ATP2B2: variants seen among roughly 807,000 people sequenced by gnomAD.
ATP2B2 encodes the protein plasma membrane calcium-transporting ATPase 2.
Under a neutral mutation model 120.0 loss-of-function variants are expected in ATP2B2, and 15 were observed. The observed-to-expected ratio is 0.12, with a 90% CI of 0.08 to 0.19. ATP2B2 has a LOEUF of 0.19. ATP2B2 is among the 10% of genes least tolerant of loss of function. The probability of loss-of-function intolerance (pLI) is 1.00; values close to 1 mark genes in which losing one functional copy is unlikely to be tolerated. For missense variants in ATP2B2, 1,045 were observed against 1,719.8 expected, an observed-to-expected ratio of 0.61 and a Z score of 6.94; for synonymous variants, 694 against 700.3, an observed-to-expected ratio of 0.99 and a Z score of 0.14.
chr3:10,450,335 T>A (rs1318983555), intron 1 of ATP2B2, among the ~76,000 whole-genome samples: 1 of 151,858 alleles, frequency 6.6e-6, no homozygotes, highest in Non-Finnish European at 1.5e-5. Context: ...CCTCTTTCTC[T>A]CACTACCCTT....
intron 3 of ATP2B2, among the ~76,000 whole-genome samples, chr3:10,529,110 G>A (rs1171580617): frequency 1.3e-5 from 2 of 152,262 alleles, no homozygotes; most frequent in East Asian, 3.9e-4. Flanking sequence ...AGACTCAAGA[G>A]CAGGTGTTAT....
At chr3:10,357,601 A>T (rs947617195) in intron 14 of ATP2B2, among the ~76,000 whole-genome samples, 1 of 152,148 alleles carries the variant, frequency 6.6e-6, no homozygotes. Flanking sequence ...GGGTAGGTCC[A>T]TTAAGGAGTG....
chr3:10,445,516 G>A (rs551824689), intron 2 of ATP2B2, among the ~76,000 whole-genome samples: 2 of 152,336 alleles, frequency 1.3e-5, no homozygotes, highest in African/African-American at 2.4e-5. Flanking sequence ...AGCCTCACAG[G>A]GGGGCAGGTT....
At chr3:10,666,192 A>T (rs2070927624) in intron 1 of ATP2B2, among the ~76,000 whole-genome samples, 1 of 152,138 alleles carries the variant, frequency 6.6e-6, no homozygotes, top group Non-Finnish European at 1.5e-5. Flanking sequence ...GGTGGGTCAG[A>T]CATTCCCTCT....
At chr3:10,338,394 G>A in intron 21 of ATP2B2, 36 bp from the exon 22 acceptor site, 6 of 1,612,788 alleles carry the variant, frequency 3.7e-6, no homozygotes, top group South Asian at 1.1e-5. Context: ...CGGTGGGGCT[G>A]TCCTTCCCAG....
At chr3:10,388,864 T>C (rs1329519736) in intron 5 of ATP2B2, among the ~76,000 whole-genome samples, 1 of 152,236 alleles carries the variant, frequency 6.6e-6, no homozygotes, top group African/African-American at 2.4e-5. Flanking sequence ...ATAAAGTGGT[T>C]ATGCAACTGC....
chr3:10,480,343 C>T (rs1271281712), intron 1 of ATP2B2, among the ~76,000 whole-genome samples: 3 of 152,106 alleles, frequency 2.0e-5, no homozygotes, highest in East Asian at 3.8e-4. Flanking sequence ...ACCAAATAGG[C>T]GCTCCATAAA....
chr3:10,560,071 C>A (rs2067868891), intron 2 of ATP2B2, among the ~76,000 whole-genome samples: 1 of 152,178 alleles, frequency 6.6e-6, no homozygotes, highest in South Asian at 2.1e-4. Context: ...TTGGCCCAGA[C>A]CCTTTCAAAT....
At chr3:10,471,333 G>A (rs2064984230) in intron 1 of ATP2B2, among the ~76,000 whole-genome samples, 1 of 151,214 alleles carries the variant, frequency 6.6e-6, no homozygotes, top group Admixed American at 6.6e-5. Flanking sequence ...TCTACAGCTT[G>A]GACTTTGGTT....
At position 10,328,121 on chromosome 3, in the gene ATP2B2, T is replaced by TTATATA. The variant is rs573711645; in HGVS notation, c.*687_*692dup. Reference sequence around the variant, plus strand: ...ACTTTATATATCCATGTATATATATTTATATATATATATATATATCTACCT... The same window carrying TTATATA: ...ACTTTATATATCCATGTATATATATTTATATATATATATATATATATATATCTACCT... On this transcript the variant is annotated 3_prime_UTR_variant, in exon 23 of 23. Coordinates refer to ENST00000360273, the MANE Select transcript of ATP2B2 (RefSeq NM_001001331.4). The TTATATA allele has an allele frequency of 6.9e-6, 1 of 145,968 alleles. No individual in the cohort carries two copies. The highest frequency in any genetic ancestry group is 1.5e-5 in the Non-Finnish European group (1 of 66,328). 9.0% of individuals were successfully genotyped at this position (145,968 alleles called of 1,614,324 possible).
intron 1 of ATP2B2, among the ~76,000 whole-genome samples, chr3:10,481,801 G>A (rs1025702357): frequency 2.0e-5 from 3 of 152,230 alleles, no homozygotes; most frequent in Middle Eastern, 3.4e-3. Flanking sequence ...TGATCCTCCC[G>A]CCTTGGCCTC....
At position 10,360,079 on chromosome 3, in the gene ATP2B2, C is replaced by T; in HGVS notation, c.1704G>A (p.Lys568=). ...EGALPRQVGN[K]TECGLLGFVL... ...CGAAGCCCAGCAGGCCGCACTCCGT[C>T]TTGTTGCCCACCTGCCGAGGCAGGG... Residue 568 remains lysine, a synonymous_variant, in exon 13 of 23, where the codon AAG becomes AAA. Coordinates refer to ENST00000360273, the MANE Select transcript of ATP2B2 (RefSeq NM_001001331.4). 6.2e-7 allele frequency: 1 copy of T among 1,605,338 alleles called. No individual in the cohort carries two copies. Among genetic ancestry groups the T allele is most frequent in the Non-Finnish European group, 8.5e-7 (1 of 1,172,850 alleles).
intron 12 of ATP2B2, among the ~76,000 whole-genome samples, chr3:10,366,780 A>T (rs1205767004): frequency 6.6e-6 from 1 of 152,216 alleles, no homozygotes; most frequent in Non-Finnish European, 1.5e-5. Context: ...CAGGACAGCC[A>T]GAGCTGCTAG....
rs150683478 is a variant in ATP2B2, at chr3:10,359,934, C to T, written c.1849G>A (p.Asp617Asn). ...TTGCTGTACATGCGGAAGCTCTCGTCGGGCAGCTTGATGACAGTGCTCATG... is the reference window on the plus strand; with the variant it reads ...TTGCTGTACATGCGGAAGCTCTCGTTGGGCAGCTTGATGACAGTGCTCATG... ...KSMSTVIKLP[D>N]ESFRMYSKGA... Residue 617 changes from aspartate (D) to asparagine (N), a missense_variant, in exon 13 of 23, where the codon GAC (aspartate) becomes AAC (asparagine). Transcript: ENST00000360273. 3,192 of 1,614,230 alleles carry T rather than the reference C, an allele frequency of 2.0e-3. 9 individuals are homozygous for T. Among genetic ancestry groups the T allele is most frequent in the Non-Finnish European group, 2.3e-3 (2,729 of 1,180,038 alleles).
rs1006058090 is a variant in ATP2B2 at position 10,326,234 on chromosome 3, TGA to T, written c.*2578_*2579del. ...AGAGTGCAAGCTTTATGTACTACAG[TGA>T]GTTTTGACAAACCAACCATTTCGTG... On this transcript the variant is annotated 3_prime_UTR_variant, in exon 23 of 23. Coordinates refer to ENST00000360273, the MANE Select transcript of ATP2B2 (RefSeq NM_001001331.4). The T allele has an allele frequency of 2.6e-5, 4 of 153,452 alleles. No individual in the cohort carries two copies. Among genetic ancestry groups the T allele is most frequent in the African/African-American group, 9.6e-5 (4 of 41,470 alleles). The allele number at this position is 153,452 out of a possible 1,614,324, so 9.5% of individuals were successfully genotyped here. A position where few individuals can be genotyped will look rare whatever the true frequency, so the allele number is the denominator to read the frequency against.
intron 2 of ATP2B2, among the ~76,000 whole-genome samples, chr3:10,589,133 C>T (rs544199825): frequency 6.6e-6 from 1 of 152,270 alleles, no homozygotes; most frequent in South Asian, 2.1e-4. Context: ...GGGTGGGCCT[C>T]CTTTGAGATC....
At chr3:10,564,948 G>C (rs937457360) in intron 2 of ATP2B2, among the ~76,000 whole-genome samples, 12 of 152,224 alleles carry the variant, frequency 7.9e-5, no homozygotes, top group African/African-American at 2.2e-4. Flanking sequence ...TCTGCAGCTA[G>C]GTGTAGCCAT....
intron 1 of ATP2B2, among the ~76,000 whole-genome samples, chr3:10,479,498 AT>A (rs1216194418): frequency 1.3e-5 from 2 of 151,916 alleles, no homozygotes; most frequent in East Asian, 3.9e-4. Flanking sequence ...TCCTGGTTGT[AT>A]TTTAAACATG....
intron 19 of ATP2B2, among the ~76,000 whole-genome samples, chr3:10,341,406 GT>G (rs1295810712): frequency 6.6e-6 from 1 of 152,174 alleles, no homozygotes; most frequent in Non-Finnish European, 1.5e-5. Flanking sequence ...CGCCTCCTGG[GT>G]TCAAGTGATT....
Sources: gnomAD v4.1 joint callset for allele counts (sites outside exome capture counted in the v4.1 genomes callset) on GRCh38, gnomAD v4.1.1 for gene constraint, MANE v1.5 for transcripts, NCBI Gene and HGNC (gene_info 2026-07-23, HGNC 2026-07-21) for gene names.